The following PDE10A variants were observed in gnomAD, a reference collection of about 807,000 sequenced individuals.
PDE10A encodes phosphodiesterase 10A.
In PDE10A, 39 loss-of-function variants were observed where a neutral mutation model predicts 97.7. The observed-to-expected ratio is 0.40, with a 90% CI of 0.31 to 0.52. PDE10A has a LOEUF of 0.52. Among genes scored for constraint, PDE10A ranks in the 20% least tolerant of loss-of-function variants. The pLI is 0.56. For synonymous variants in PDE10A, 371 were observed against 376.8 expected (o/e 0.98, Z 0.18); for missense variants, 731 against 1,047.8 (o/e 0.70, Z 4.17).
At chr6:165,446,861 G>A (rs1790885057) in intron 5 of PDE10A, among the ~76,000 whole-genome samples, 1 of 152,098 alleles carries the variant, frequency 6.6e-6, no homozygotes, top group South Asian at 2.1e-4. Context: ...CTAGAGAGAA[G>A]CATGCCCAGT....
chr6:165,876,080 T>C (rs1433598947), intron 1 of PDE10A, among the ~76,000 whole-genome samples: 1 of 152,238 alleles, frequency 6.6e-6, no homozygotes, highest in Non-Finnish European at 1.5e-5. Context: ...TTTTGGAACT[T>C]GTGAATTAAT....
chr6:165,912,894 T>C (rs1448507787), intron 1 of PDE10A, among the ~76,000 whole-genome samples: 2 of 152,216 alleles, frequency 1.3e-5, no homozygotes, highest in African/African-American at 4.8e-5. Context: ...ATGGCAACTT[T>C]ATAAAGCAAC....
intron 2 of PDE10A, among the ~76,000 whole-genome samples, chr6:165,497,952 T>C (rs564219546): frequency 8.5e-5 from 13 of 152,324 alleles, no homozygotes; most frequent in Admixed American, 6.5e-4. Flanking sequence ...TAGTTTAAAA[T>C]GGCTATTTAT....
At chr6:165,507,141 A>G (rs1045544468) in intron 2 of PDE10A, among the ~76,000 whole-genome samples, 2 of 152,042 alleles carry the variant, frequency 1.3e-5, no homozygotes, top group African/African-American at 4.8e-5. Flanking sequence ...GCTGGAGTTG[A>G]AATTTTGTCC....
chr6:165,687,698 A>G (rs1227772545), intron 1 of PDE10A, among the ~76,000 whole-genome samples: 3 of 152,134 alleles, frequency 2.0e-5, no homozygotes, highest in Non-Finnish European at 4.4e-5. Context: ...ACCCAGTCCT[A>G]TGGAATACTG....
chr6:165,943,295 G>GAAGGAAAGAAAGAA lies in PDE10A; in HGVS notation c.-615+44233_-615+44234insTTCTTTCTTTCCTT, dbSNP rs1562810039. On this transcript the variant is annotated intron_variant, in intron 1 of 19. Coordinates refer to the PDE10A transcript ENST00000366882. ...GGAAGGAAAGAAAGAAAGAAAGAAG[G>GAAGGAAAGAAAGAA]AAAGAAAGAAAGAAGGAAGGAAGGA... Among the ~76,000 whole-genome samples the GAAGGAAAGAAAGAA allele has an allele frequency of 9.1e-4, 50 of 55,228 alleles. 5 individuals are homozygous for GAAGGAAAGAAAGAA. The highest frequency in any genetic ancestry group is 1.7e-3 in the African/African-American group (15 of 8,824). The allele number at this position is 55,228 out of a possible 152,430, so 36.2% of individuals were successfully genotyped here.
intron 1 of PDE10A, among the ~76,000 whole-genome samples, chr6:165,659,884 G>A (rs1030176636): frequency 6.6e-5 from 10 of 152,202 alleles, no homozygotes; most frequent in Non-Finnish European, 1.2e-4. Flanking sequence ...CATCCAGCAG[G>A]GCCCTGAACA....
At chr6:165,880,569 C>T (rs1583226656) in intron 1 of PDE10A, among the ~76,000 whole-genome samples, 1 of 152,302 alleles carries the variant, frequency 6.6e-6, no homozygotes, top group East Asian at 1.9e-4. Context: ...TCTAACCATA[C>T]ATTTTTCTAC....
intron 1 of PDE10A, among the ~76,000 whole-genome samples, chr6:165,847,405 T>G (rs950797429): frequency 3.0e-4 from 45 of 152,248 alleles, no homozygotes; most frequent in Admixed American, 2.0e-4. Context: ...ATAAGAACAT[T>G]TCTCTGCATT....
intron 1 of PDE10A, among the ~76,000 whole-genome samples, chr6:165,966,274 G>A (rs769884083): frequency 6.6e-6 from 1 of 152,224 alleles, no homozygotes; most frequent in African/African-American, 2.4e-5. Flanking sequence ...TTTAAAGGCT[G>A]TAGACCCCTT....
At chr6:165,413,748 A>G in intron 12 of PDE10A, 61 bp from the exon 13 acceptor site, 1 of 1,345,562 alleles carries the variant, frequency 7.4e-7, no homozygotes, top group Non-Finnish European at 1.0e-6. Flanking sequence ...AATAAAGGAC[A>G]CAGTCAGTCA....
intron 1 of PDE10A, among the ~76,000 whole-genome samples, chr6:165,826,912 G>C (rs954520916): frequency 6.6e-6 from 1 of 151,800 alleles, no homozygotes; most frequent in African/African-American, 2.4e-5. Flanking sequence ...TGAGGTGGGC[G>C]CAGGCGGGAT....
rs188663802 is a variant in PDE10A, at chr6:165,488,898, C to T, written c.995-6555G>A. The stretch of plus-strand genomic sequence containing the variant: ...TGGTCTAGGAACCACACTCCCATCC[C>T]GCACAGCAGTCACAGCAACCCCTGC... On this transcript the variant is annotated intron_variant, in intron 2 of 21. Transcript: ENST00000539869. Among the ~76,000 whole-genome samples the T allele has an allele frequency of 9.9e-5, 15 of 152,164 alleles. No individual in the cohort carries two copies. The South Asian group carries it at 1.0e-3, about 11-fold the overall frequency.
At chr6:165,645,659 G>C (rs1789357144) in intron 1 of PDE10A, among the ~76,000 whole-genome samples, 2 of 151,942 alleles carry the variant, frequency 1.3e-5, no homozygotes, top group Non-Finnish European at 2.9e-5. Flanking sequence ...TTCGAGACCA[G>C]CCTGACCAAT....
intron 3 of PDE10A, among the ~76,000 whole-genome samples, chr6:165,469,346 A>C (rs2128269069): frequency 6.6e-6 from 1 of 152,306 alleles, no homozygotes; most frequent in East Asian, 1.9e-4. Context: ...TAGGTAGAGA[A>C]GTGTTTTACA....
intron 2 of PDE10A, among the ~76,000 whole-genome samples, chr6:165,503,402 G>A (rs1331157950): frequency 1.3e-5 from 2 of 152,146 alleles, no homozygotes; most frequent in Non-Finnish European, 2.9e-5. Context: ...ATCTGCACAG[G>A]GAATGATGGG....
intron 1 of PDE10A, among the ~76,000 whole-genome samples, chr6:165,732,317 G>T (rs1323923762): frequency 6.6e-6 from 1 of 152,218 alleles, no homozygotes; most frequent in African/African-American, 2.4e-5. Flanking sequence ...TGATGGTGTA[G>T]GGAGAAGTCA....
Position 165,935,603 on chromosome 6 carries a change from G to A in PDE10A, c.-615+51926C>T, listed in dbSNP as rs569895193. On this transcript the variant is annotated intron_variant, in intron 1 of 19. Transcript: ENST00000366882. ...AATGGAGGAGAGTGGATATGTTTGA[G>A]AGAACATTCACTGGGAGAACAAAAG... Among the ~76,000 whole-genome samples, 5 of 152,358 alleles carry A rather than the reference G, an allele frequency of 3.3e-5. No homozygotes were observed. The South Asian group carries it at 1.0e-3, about 32-fold the overall frequency.
At chr6:165,529,741 G>C (rs1410467618) in intron 2 of PDE10A, among the ~76,000 whole-genome samples, 1 of 152,180 alleles carries the variant, frequency 6.6e-6, no homozygotes, top group African/African-American at 2.4e-5. Flanking sequence ...ATTTGGGTTG[G>C]AGATTGGTGC....
Sources: gnomAD v4.1 joint callset for allele counts (sites outside exome capture counted in the v4.1 genomes callset) on GRCh38, gnomAD v4.1.1 for gene constraint, MANE v1.5 for transcripts, NCBI Gene and HGNC (gene_info 2026-07-23, HGNC 2026-07-21) for gene names.